THSD7A: variants seen among roughly 807,000 people sequenced by gnomAD.
THSD7A encodes the protein thrombospondin type-1 domain-containing protein 7A.
THSD7A carries 96 observed loss-of-function variants against 231.3 expected under a neutral mutation model. The observed-to-expected ratio is 0.41, with a 90% CI of 0.35 to 0.49. THSD7A has a LOEUF of 0.49. Among genes scored for constraint, THSD7A ranks in the 20% least tolerant of loss-of-function variants. The pLI, the probability that THSD7A is intolerant of heterozygous loss-of-function variation, is 0.05. For missense variants in THSD7A, 2,290 were observed against 2,070.2 expected (o/e 1.11, Z -2.06); for synonymous variants, 940 against 743.3 (o/e 1.26, Z -4.30).
chr7:11,608,524 C>A (rs1780812725), intron 2 of THSD7A, among the ~76,000 whole-genome samples: 1 of 152,132 alleles, frequency 6.6e-6, no homozygotes, highest in Non-Finnish European at 1.5e-5. Flanking sequence ...TTAACGTTCA[C>A]CTGACCTGAC....
intron 11 of THSD7A, among the ~76,000 whole-genome samples, chr7:11,448,506 G>T (rs949059493): frequency 6.6e-6 from 1 of 152,042 alleles, no homozygotes; most frequent in Admixed American, 6.6e-5. Flanking sequence ...TGAAACTGCC[G>T]CTGATCTCTG....
intron 26 of THSD7A, 68 bp downstream of exon 26, chr7:11,379,002 T>C (rs1252283903): frequency 1.3e-6 from 2 of 1,496,770 alleles, no homozygotes; most frequent in African/African-American, 2.8e-5. Context: ...TTGCTCACTT[T>C]TTTAATCCTT....
At chr7:11,624,027 G>A (rs910650063) in intron 2 of THSD7A, among the ~76,000 whole-genome samples, 3 of 152,214 alleles carry the variant, frequency 2.0e-5, no homozygotes, top group East Asian at 1.9e-4. Context: ...AATCATCCCA[G>A]CATTTTGCCA....
At chr7:11,706,891 A>C (rs1468827292) in intron 1 of THSD7A, among the ~76,000 whole-genome samples, 2 of 150,566 alleles carry the variant, frequency 1.3e-5, no homozygotes, top group East Asian at 3.9e-4. Context: ...GCAGATACCA[A>C]ACAATCCACT....
At chr7:11,470,787 TTAAC>T (rs1293047568) in intron 8 of THSD7A, among the ~76,000 whole-genome samples, 1 of 151,774 alleles carries the variant, frequency 6.6e-6, no homozygotes, top group African/African-American at 2.4e-5. Flanking sequence ...TATAGTAAAA[TTAAC>T]TACTATTTTC....
rs1786046259 is a variant in THSD7A at position 11,474,022 on chromosome 7, T to C, written c.2252+312A>G. Among the ~76,000 whole-genome samples, 1 of 152,174 alleles carries C rather than the reference T, an allele frequency of 6.6e-6. No individual in the cohort carries two copies. Among genetic ancestry groups the C allele is most frequent in the Non-Finnish European group, 1.5e-5 (1 of 68,032 alleles). On this transcript the variant is annotated intron_variant, in intron 8 of 27. Coordinates refer to ENST00000423059, the MANE Select transcript of THSD7A (RefSeq NM_015204.3). This position sits in a 1 kb window ranked among gnomAD's most constrained non-coding sequence, Gnocchi z 4.1. ...CTGCCAGGACCTAGTACACTGTCAT[T>C]ATTGATCAGCCAGGCTTACGGCAAG...
At chr7:11,684,166 T>C (rs1182372659) in intron 1 of THSD7A, among the ~76,000 whole-genome samples, 1 of 151,646 alleles carries the variant, frequency 6.6e-6, no homozygotes, top group Non-Finnish European at 1.5e-5. Context: ...AGAAAATAAA[T>C]TCAATAAAAC....
At chr7:11,782,119 A>T (rs1783650470) in intron 1 of THSD7A, among the ~76,000 whole-genome samples, 1 of 152,134 alleles carries the variant, frequency 6.6e-6, no homozygotes, top group Admixed American at 6.5e-5. Context: ...TTGTAATGTA[A>T]TTTTTTTAAA....
chr7:11,437,821 T>C (rs563121698), intron 13 of THSD7A, among the ~76,000 whole-genome samples: 1 of 152,200 alleles, frequency 6.6e-6, no homozygotes, highest in African/African-American at 2.4e-5. Context: ...AGAATCCTAT[T>C]ACAAAAAGTA....
At chr7:11,820,812 T>A (rs1198993739) in intron 1 of THSD7A, 54 of 1,016,966 alleles carry the variant, frequency 5.3e-5, no homozygotes, top group Non-Finnish European at 7.5e-5. Flanking sequence ...CCTCTCGCTC[T>A]CCGGTGCTTC....
chr7:11,703,562 C>T (rs1049892714), intron 1 of THSD7A, among the ~76,000 whole-genome samples: 1 of 151,170 alleles, frequency 6.6e-6, no homozygotes, highest in Non-Finnish European at 1.5e-5. Flanking sequence ...ATTTCTTAAA[C>T]TTTTACAAAA....
At chr7:11,409,741 C>CTGA (rs1016390384) in intron 19 of THSD7A, among the ~76,000 whole-genome samples, 3 of 151,688 alleles carry the variant, frequency 2.0e-5, no homozygotes, top group Admixed American at 6.6e-5. Context: ...TTCATTAATA[C>CTGA]TGATGTTCTT....
chr7:11,770,095 A>G (rs1445785074), intron 1 of THSD7A, among the ~76,000 whole-genome samples: 1 of 152,110 alleles, frequency 6.6e-6, no homozygotes, highest in Non-Finnish European at 1.5e-5. Context: ...ATCTTTATGT[A>G]ACCAGAGCAT....
chr7:11,407,888 A>G (rs767037090), intron 19 of THSD7A, among the ~76,000 whole-genome samples: 18 of 152,242 alleles, frequency 1.2e-4, no homozygotes, highest in Non-Finnish European at 2.4e-4. Context: ...TTCATACTCA[A>G]AACTAATGAT....
intron 2 of THSD7A, among the ~76,000 whole-genome samples, chr7:11,596,350 G>C (rs189298742): frequency 6.6e-6 from 1 of 152,256 alleles, no homozygotes; most frequent in East Asian, 1.9e-4. Context: ...AGTTAAAGTA[G>C]GTGCATATTG....
At position 11,382,517 on chromosome 7, in the gene THSD7A, T is replaced by C. The variant is rs1782558320; in HGVS notation, c.4507+4A>G. ...CAAAGGACAAAGAGAAACTGGAGGTTTACCTGTTACATTTATACCATCTGA... is the reference window on the plus strand; with the variant it reads ...CAAAGGACAAAGAGAAACTGGAGGTCTACCTGTTACATTTATACCATCTGA... On this transcript the variant is annotated splice_donor_region_variant and intron_variant, in intron 24 of 27. Coordinates refer to ENST00000423059, the MANE Select transcript of THSD7A (RefSeq NM_015204.3). 3.7e-6 allele frequency: 6 copies of C among 1,608,870 alleles called. No homozygotes were observed. The highest frequency in any genetic ancestry group is 5.1e-6 in the Non-Finnish European group (6 of 1,175,998).
chr7:11,439,563 T>G (rs1784738444), intron 13 of THSD7A, among the ~76,000 whole-genome samples: 1 of 152,072 alleles, frequency 6.6e-6, no homozygotes, highest in Non-Finnish European at 1.5e-5. Flanking sequence ...TTGAAAGTAG[T>G]ACTCCTGTGA....
intron 1 of THSD7A, among the ~76,000 whole-genome samples, chr7:11,686,605 T>C (rs1039013309): frequency 3.3e-5 from 5 of 151,896 alleles, no homozygotes; most frequent in African/African-American, 9.7e-5. Context: ...AATGGTGGAA[T>C]GCATGAAGAA....
chr7:11,672,595 T>C (rs1403933043), intron 1 of THSD7A, among the ~76,000 whole-genome samples: 1 of 152,196 alleles, frequency 6.6e-6, no homozygotes, highest in Non-Finnish European at 1.5e-5. Context: ...ATTATCAATA[T>C]AATACAATCA....
Sources: gnomAD v4.1 joint callset for allele counts (sites outside exome capture counted in the v4.1 genomes callset) on GRCh38, gnomAD v4.1.1 for gene constraint, Gnocchi (gnomAD v3.1) non-coding constraint, MANE v1.5 for transcripts, NCBI Gene and HGNC (gene_info 2026-07-23, HGNC 2026-07-21) for gene names.